FAM228A: variants seen among roughly 807,000 people sequenced by gnomAD.
The protein encoded by FAM228A is family with sequence similarity 228 member A.
FAM228A carries 13 observed loss-of-function variants against 18.6 expected under a neutral mutation model. The observed-to-expected ratio is 0.70, with a 90% CI of 0.45 to 1.11. The LOEUF (loss-of-function observed/expected upper bound fraction) is 1.11. Ranked by LOEUF, FAM228A falls within the 50% of genes least tolerant of loss-of-function variation. The pLI is 0.00. For synonymous variants in FAM228A, 77 were observed against 86.6 expected (o/e 0.89, Z 0.61); for missense variants, 240 against 242.2 (o/e 0.99, Z 0.06).
At chr2:24,187,294 C>T (rs188826836) in intron 5 of FAM228A, among the ~76,000 whole-genome samples, 10 of 152,234 alleles carry the variant, frequency 6.6e-5, no homozygotes, top group Admixed American at 2.0e-4. Flanking sequence ...CTTTATTTTT[C>T]GTAACAAATT....
At chr2:24,186,075 G>C (rs539266328) in intron 5 of FAM228A, among the ~76,000 whole-genome samples, 3 of 152,038 alleles carry the variant, frequency 2.0e-5, no homozygotes, top group Non-Finnish European at 2.9e-5. Flanking sequence ...ACCCAGGCTG[G>C]AGTGCAGTGG....
chr2:24,182,393 T>C (rs192820978), intron 3 of FAM228A, among the ~76,000 whole-genome samples: 19 of 152,326 alleles, frequency 1.2e-4, no homozygotes, highest in Non-Finnish European at 2.2e-4. Context: ...CTGGAGGCAG[T>C]ACATATTATG....
intron 3 of FAM228A, among the ~76,000 whole-genome samples, chr2:24,179,624 G>T (rs1274612707): frequency 6.6e-6 from 1 of 152,156 alleles, no homozygotes; most frequent in Non-Finnish European, 1.5e-5. Flanking sequence ...TTCCTATTCT[G>T]TTCTGCTATC....
Position 24,183,653 on chromosome 2 carries a change from T to A in FAM228A, c.401+8T>A, listed in dbSNP as rs1402323876. 6.4e-7 allele frequency: 1 copy of A among 1,570,012 alleles called. No individual in the cohort carries two copies. Among genetic ancestry groups the A allele is most frequent in the East Asian group, 2.3e-5 (1 of 44,298 alleles). On this transcript the variant is annotated splice_region_variant and intron_variant, in intron 5 of 5. Transcript: ENST00000295150. ...TAAAACTTACAAATACAGGTACAGA[T>A]GAGCAGAACAAACAAATATTTGTTT...
At chr2:24,189,114 C>T (rs1668023572) in intron 5 of FAM228A, among the ~76,000 whole-genome samples, 2 of 152,174 alleles carry the variant, frequency 1.3e-5, no homozygotes, top group African/African-American at 4.8e-5. Flanking sequence ...CCTCTGGCTC[C>T]TCCGCTGGTA....
intron 1 of FAM228A, 102 bp from the exon 2 acceptor site, chr2:24,175,365 T>C: frequency 4.7e-6 from 4 of 847,994 alleles, no homozygotes; most frequent in Non-Finnish European, 7.7e-6. Flanking sequence ...GCTCAGCTTT[T>C]AGAAAGGGGC....
At chr2:24,182,718 G>T (rs1479373412) in intron 3 of FAM228A, among the ~76,000 whole-genome samples, 1 of 152,076 alleles carries the variant, frequency 6.6e-6, no homozygotes, top group Non-Finnish European at 1.5e-5. Context: ...ATTGTCACTG[G>T]ATGACTAGGC....
chr2:24,180,391 G>T (rs990329588), intron 3 of FAM228A, among the ~76,000 whole-genome samples: 2 of 152,032 alleles, frequency 1.3e-5, no homozygotes, highest in African/African-American at 4.8e-5. Flanking sequence ...GGCGGAGGTT[G>T]CAGTGAGCCA....
intron 2 of FAM228A, among the ~76,000 whole-genome samples, chr2:24,176,591 A>G (rs749198264): frequency 2.0e-5 from 3 of 152,254 alleles, no homozygotes; most frequent in Non-Finnish European, 4.4e-5. Flanking sequence ...TATTTTAGGA[A>G]GACCTGGGCA....
chr2:24,187,471 G>T (rs1207293252), intron 5 of FAM228A, among the ~76,000 whole-genome samples: 1 of 152,152 alleles, frequency 6.6e-6, no homozygotes, highest in African/African-American at 2.4e-5. Context: ...GTTCACTCTT[G>T]ATGTTGTACA....
chr2:24,178,019 C>T (rs1428057355), intron 3 of FAM228A, 149 bp downstream of exon 3: 2 of 557,288 alleles, frequency 3.6e-6, no homozygotes. Flanking sequence ...GTTTGTACTA[C>T]ATGCATCTGA....
chr2:24,183,163 C>T (rs1047590211), intron 3 of FAM228A, 122 bp from the exon 4 acceptor site: 9 of 734,034 alleles, frequency 1.2e-5, no homozygotes. Flanking sequence ...CCCTCGCCCC[C>T]TCCTGCCCTT....
rs553024075 is a variant in FAM228A, at chr2:24,175,704, G to T, written c.93+131G>T. Reference sequence around the variant, plus strand: ...CTGCTTTAAAGCAGGCGTTGAAGGGGAATGTTCGGGCTCAGATTTGGCCGA... The same window carrying T: ...CTGCTTTAAAGCAGGCGTTGAAGGGTAATGTTCGGGCTCAGATTTGGCCGA... On this transcript the variant is annotated intron_variant, in intron 2 of 5. Transcript: ENST00000295150. The T allele has an allele frequency of 2.2e-3, 1,721 of 779,694 alleles. 10 individuals carry two copies. Among genetic ancestry groups the T allele is most frequent in the Non-Finnish European group, 1.6e-3 (760 of 481,416 alleles). The allele number at this position is 779,694 out of a possible 1,614,324, so 48.3% of individuals were successfully genotyped here. A position where few individuals can be genotyped will look rare whatever the true frequency, so the allele number is the denominator to read the frequency against.
intron 5 of FAM228A, chr2:24,188,311 C>T (rs1304813217): frequency 2.8e-6 from 1 of 354,572 alleles, no homozygotes; most frequent in Non-Finnish European, 3.9e-6. Context: ...GTTTGTTACA[C>T]AGGTAAATGT....
chr2:24,180,826 G>A (rs1177090051), intron 3 of FAM228A, among the ~76,000 whole-genome samples: 2 of 152,132 alleles, frequency 1.3e-5, no homozygotes, highest in East Asian at 3.8e-4. Context: ...ACTGTTGAAG[G>A]GACCCTCATC....
At chr2:24,187,630 C>G (rs1667981173) in intron 5 of FAM228A, among the ~76,000 whole-genome samples, 1 of 152,034 alleles carries the variant, frequency 6.6e-6, no homozygotes. Flanking sequence ...TTTTTTTTAG[C>G]TGTATCCATT....
intron 2 of FAM228A, among the ~76,000 whole-genome samples, chr2:24,176,472 T>C (rs1354369017): frequency 6.6e-6 from 1 of 152,200 alleles, no homozygotes; most frequent in African/African-American, 2.4e-5. Context: ...TGCCTGGGCC[T>C]TCAGAGCACT....
chr2:24,181,738 G>C (rs1667820394), intron 3 of FAM228A, among the ~76,000 whole-genome samples: 1 of 152,050 alleles, frequency 6.6e-6, no homozygotes, highest in Admixed American at 6.5e-5. Flanking sequence ...AGGTAGAGCA[G>C]GTTTCTTTGG....
At chr2:24,183,191 C>T in intron 3 of FAM228A, 94 bp from the exon 4 acceptor site, 4 of 924,232 alleles carry the variant, frequency 4.3e-6, no homozygotes, top group Non-Finnish European at 7.1e-6. Flanking sequence ...TTGTAGTCCT[C>T]AGGGTCTATT....
Sources: gnomAD v4.1 joint callset for allele counts (sites outside exome capture counted in the v4.1 genomes callset) on GRCh38, gnomAD v4.1.1 for gene constraint, MANE v1.5 for transcripts, NCBI Gene and HGNC (gene_info 2026-07-23, HGNC 2026-07-21) for gene names.